The following TNS3 variants were observed in gnomAD, a reference collection of about 807,000 sequenced individuals.
The protein encoded by TNS3 is tensin-3.
A neutral mutation model predicts 140.9 loss-of-function variants in TNS3; 45 were observed. The ratio of observed to expected loss-of-function variants is 0.32; its 90% confidence interval spans 0.25 to 0.41. TNS3 has a LOEUF of 0.41. TNS3 is among the 10% of genes least tolerant of loss of function. The pLI is 1.00. For missense variants in TNS3, 1,716 were observed against 1,906.7 expected (o/e 0.90, Z 1.86); for synonymous variants, 815 against 788.4 (o/e 1.03, Z -0.56).
intron 4 of TNS3, among the ~76,000 whole-genome samples, chr7:47,450,135 G>A (rs914386662): frequency 6.6e-6 from 1 of 152,208 alleles, no homozygotes; most frequent in African/African-American, 2.4e-5. Flanking sequence ...AAGTGGCTGT[G>A]GAGTCATCTG....
chr7:47,408,181 T>C (rs1336394612), intron 13 of TNS3, among the ~76,000 whole-genome samples: 1 of 151,882 alleles, frequency 6.6e-6, no homozygotes, highest in Non-Finnish European at 1.5e-5. Context: ...GGGCTGCAGG[T>C]GGGACACTGA....
At chr7:47,516,806 T>C (rs1226813084) in intron 2 of TNS3, among the ~76,000 whole-genome samples, 2 of 152,178 alleles carry the variant, frequency 1.3e-5, no homozygotes, top group African/African-American at 4.8e-5. Context: ...CTCACGGCTA[T>C]AATCCCAGCA....
chr7:47,369,730 A>G (rs757613504), intron 16 of TNS3, 109 bp from the exon 17 acceptor site: 67 of 1,223,438 alleles, frequency 5.5e-5, no homozygotes, highest in Non-Finnish European at 7.3e-5. Flanking sequence ...GATTCAAAAT[A>G]TGACTTACAA....
intron 17 of TNS3, among the ~76,000 whole-genome samples, chr7:47,352,781 A>T (rs1048474485): frequency 1.3e-5 from 2 of 152,086 alleles, no homozygotes; most frequent in African/African-American, 4.8e-5. Flanking sequence ...CATCCCATCT[A>T]CTGCTCTGAC....
intron 6 of TNS3, among the ~76,000 whole-genome samples, chr7:47,439,052 T>C (rs964050280): frequency 2.0e-5 from 3 of 152,190 alleles, no homozygotes; most frequent in African/African-American, 4.8e-5. Flanking sequence ...AATCAAGCTG[T>C]CTCCTTGTCT....
In TNS3 at chr7:47,276,488, G is replaced by T. The variant is rs930004843; in HGVS notation, c.*1588C>A. 2 of 152,260 alleles carry T rather than the reference G, an allele frequency of 1.3e-5. No homozygotes were observed. Among genetic ancestry groups the T allele is most frequent in the African/African-American group, 4.8e-5 (2 of 41,438 alleles). The allele number at this position is 152,260 out of a possible 1,614,324, so 9.4% of individuals were successfully genotyped here. A position where few individuals can be genotyped will look rare whatever the true frequency, so the allele number is the denominator to read the frequency against. On this transcript the variant is annotated 3_prime_UTR_variant, in exon 31 of 31. Coordinates refer to ENST00000311160, the MANE Select transcript of TNS3 (RefSeq NM_022748.12). ...TGACACCAGTGTGGCCTAAGAATGG[G>T]GGATTTGACTTTTGAAAGCAGAGGA...
At chr7:47,520,855 C>T (rs1243649429) in intron 2 of TNS3, among the ~76,000 whole-genome samples, 3 of 152,214 alleles carry the variant, frequency 2.0e-5, no homozygotes, top group African/African-American at 7.2e-5. Flanking sequence ...CAGGGTGGGG[C>T]TGGGCTTGCC....
At chr7:47,339,943 C>T (rs942382679) in intron 20 of TNS3, among the ~76,000 whole-genome samples, 1 of 118,020 alleles carries the variant, frequency 8.5e-6, no homozygotes, top group Admixed American at 1.0e-4. Flanking sequence ...TTTTTTTGAG[C>T]TATTATAAGT....
At chr7:47,533,721 G>T (rs1182029228) in intron 1 of TNS3, among the ~76,000 whole-genome samples, 29 of 152,054 alleles carry the variant, frequency 1.9e-4, no homozygotes, top group Middle Eastern at 3.2e-3. Flanking sequence ...CATGGCGGCA[G>T]GTCTTTCCTG....
At chr7:47,558,256 CG>C (rs1419525918) in intron 1 of TNS3, among the ~76,000 whole-genome samples, 6 of 152,168 alleles carry the variant, frequency 3.9e-5, no homozygotes, top group Non-Finnish European at 7.4e-5. Context: ...AAGCCGGTGC[CG>C]AGGAGGATCA....
At chr7:47,309,479 G>A (rs1169404456) in intron 20 of TNS3, among the ~76,000 whole-genome samples, 1 of 152,122 alleles carries the variant, frequency 6.6e-6, no homozygotes, top group Non-Finnish European at 1.5e-5. Flanking sequence ...GGAGGTTTGT[G>A]TTTGAATTTA....
At chr7:47,284,936 C>T (rs569398159) in intron 27 of TNS3, among the ~76,000 whole-genome samples, 9 of 152,370 alleles carry the variant, frequency 5.9e-5, no homozygotes, top group Non-Finnish European at 1.2e-4. Flanking sequence ...TTTCTCTTTG[C>T]CTTTAAGTCT....
rs200951803 is a variant in TNS3 at position 47,560,156 on chromosome 7, AG to A, written c.-265+21894del. Among the ~76,000 whole-genome samples, 1,366 of 152,046 alleles carry A rather than the reference AG, an allele frequency of 9.0e-3. 22 individuals are homozygous for A. Among genetic ancestry groups the A allele is most frequent in the African/African-American group, 0.031 (1,296 of 41,480 alleles). On this transcript the variant is annotated intron_variant, in intron 1 of 30. Transcript: ENST00000311160. ...TCCTATGTTGAAGACCTGAACCCCAAGGTGATGGTATGAGGAGCTGGGGCCT... is the reference window on the plus strand; with the variant it reads ...TCCTATGTTGAAGACCTGAACCCCAAGTGATGGTATGAGGAGCTGGGGCCT...
intron 20 of TNS3, among the ~76,000 whole-genome samples, chr7:47,329,525 C>G (rs943916797): frequency 6.6e-6 from 1 of 152,214 alleles, no homozygotes; most frequent in African/African-American, 2.4e-5. Flanking sequence ...CTGGGACCCT[C>G]AGGGCCACCG....
rs147801353 is a variant in TNS3, at chr7:47,278,797, G to A, written c.4194-577C>T. On this transcript the variant is annotated intron_variant, in intron 30 of 30. Coordinates refer to ENST00000311160, the MANE Select transcript of TNS3 (RefSeq NM_022748.12). ...AGCTGTTTAAAAAGAACAGCCCATC[G>A]AATTATTTTTCTTAGAAGAATTAGA... 6.8e-3 allele frequency: 1,041 copies of A among 152,482 alleles called. 7 individuals are homozygous for A. The highest frequency in any genetic ancestry group is 0.022 in the African/African-American group (894 of 41,580). 9.4% of individuals were successfully genotyped at this position (152,482 alleles called of 1,614,324 possible). A position where few individuals can be genotyped will look rare whatever the true frequency, so the allele number is the denominator to read the frequency against.
At chr7:47,305,778 T>C (rs1458503742) in intron 20 of TNS3, among the ~76,000 whole-genome samples, 1 of 152,274 alleles carries the variant, frequency 6.6e-6, no homozygotes, top group Non-Finnish European at 1.5e-5. Context: ...TTACCTTTTA[T>C]ATTTTTTCTT....
At chr7:47,295,081 T>C (rs933662264) in intron 24 of TNS3, among the ~76,000 whole-genome samples, 1 of 152,114 alleles carries the variant, frequency 6.6e-6, no homozygotes, top group African/African-American at 2.4e-5. Flanking sequence ...GAATGTCAAA[T>C]CCAGGGACAA....
At chr7:47,340,044 T>C (rs551653360) in intron 20 of TNS3, among the ~76,000 whole-genome samples, 27 of 144,000 alleles carry the variant, frequency 1.9e-4, no homozygotes, top group African/African-American at 6.5e-4. Context: ...TACATATGTG[T>C]ATATGTGTGT....
chr7:47,414,016 T>A lies in TNS3; in HGVS notation c.587-19A>T. 2 of 1,613,498 alleles carry A rather than the reference T, an allele frequency of 1.2e-6. No individual in the cohort carries two copies. The highest frequency in any genetic ancestry group is 2.2e-5 in the East Asian group (1 of 44,834). On this transcript the variant is annotated intron_variant, in intron 11 of 30. Coordinates refer to ENST00000311160, the MANE Select transcript of TNS3 (RefSeq NM_022748.12). ...CGGCACACTGAAAGAAAGGCACAAC[T>A]GTCTGTAGAGGCATGACCGGTACAG...
Sources: gnomAD v4.1 joint callset for allele counts (sites outside exome capture counted in the v4.1 genomes callset) on GRCh38, gnomAD v4.1.1 for gene constraint, MANE v1.5 for transcripts, NCBI Gene and HGNC (gene_info 2026-07-23, HGNC 2026-07-21) for gene names.